Variants in ADCY8 observed in about 807,000 individuals in gnomAD.
ADCY8 encodes the protein adenylate cyclase type 8.
Under a neutral mutation model 119.7 loss-of-function variants are expected in ADCY8, and 51 were observed. The observed-to-expected ratio is 0.43, with a 90% CI of 0.34 to 0.54. The LOEUF (loss-of-function observed/expected upper bound fraction) is 0.54. Among genes scored for constraint, ADCY8 ranks in the 20% least tolerant of loss-of-function variants. The pLI is 0.03. For synonymous variants in ADCY8, 665 were observed against 651.0 expected, an observed-to-expected ratio of 1.02 and a Z score of -0.33; for missense variants, 1,383 against 1,598.8, an observed-to-expected ratio of 0.87 and a Z score of 2.30.
rs775874669 is a variant in ADCY8 at position 130,884,592 on chromosome 8, A to C, written c.2081T>G (p.Met694Arg). The C allele has an allele frequency of 1.9e-6, 3 of 1,613,816 alleles. No homozygotes were observed. The highest frequency in any genetic ancestry group is 2.5e-6 in the Non-Finnish European group (3 of 1,179,806). ...GTGCTCCAGGCTGGAGTCTTTAAAC[A>C]TCAGTGAGAATGGCTTGATATGCTC... The part of the protein sequence containing the change: ...RREHIKPFSL[M>R]FKDSSLEHKY... Residue 694 changes from methionine to arginine, a missense_variant, in exon 8 of 18, where the codon ATG becomes AGG. By Grantham distance (91) the Met-to-Arg change is moderately conservative. Around this residue, in one of 2 missense-constraint regions of ADCY8, gnomAD observed 928 missense variants for 1,163.5 expected, o/e 0.80. Transcript: ENST00000286355.
intron 7 of ADCY8, among the ~76,000 whole-genome samples, chr8:130,890,150 T>C (rs1349329891): frequency 6.8e-6 from 1 of 146,250 alleles, no homozygotes; most frequent in Non-Finnish European, 1.5e-5. Flanking sequence ...ATAAGAAGAT[T>C]GTCGAACACA....
At chr8:130,903,291 G>T in intron 7 of ADCY8, among the ~76,000 whole-genome samples, 1 of 151,926 alleles carries the variant, frequency 6.6e-6, no homozygotes, top group East Asian at 1.9e-4. Context: ...CTAACTCTAG[G>T]CATCACTTGG....
chr8:130,898,914 T>G (rs911557439), intron 7 of ADCY8, among the ~76,000 whole-genome samples: 11 of 152,232 alleles, frequency 7.2e-5, no homozygotes, highest in African/African-American at 2.7e-4. Context: ...CTTAAAAATC[T>G]AATTGAGATC....
At chr8:130,942,885 A>C (rs1820997443) in intron 4 of ADCY8, among the ~76,000 whole-genome samples, 1 of 152,220 alleles carries the variant, frequency 6.6e-6, no homozygotes, top group Non-Finnish European at 1.5e-5. Flanking sequence ...TTGGCTAAAA[A>C]CAAAGCTCTT....
intron 2 of ADCY8, among the ~76,000 whole-genome samples, chr8:130,964,171 A>T (rs555852934): frequency 6.6e-6 from 1 of 152,172 alleles, no homozygotes; most frequent in Non-Finnish European, 1.5e-5. Flanking sequence ...GTACCACCTT[A>T]GTGTGGTAGA....
intron 2 of ADCY8, among the ~76,000 whole-genome samples, chr8:130,969,614 T>A (rs547911219): frequency 6.6e-6 from 1 of 152,206 alleles, no homozygotes; most frequent in African/African-American, 2.4e-5. Context: ...GCCACAATGA[T>A]TTGCCAAAAA....
At chr8:130,893,362 A>T (rs1819258036) in intron 7 of ADCY8, among the ~76,000 whole-genome samples, 1 of 152,126 alleles carries the variant, frequency 6.6e-6, no homozygotes, top group Admixed American at 6.6e-5. Flanking sequence ...TTCACATGGG[A>T]CTCACAAGTA....
intron 5 of ADCY8, among the ~76,000 whole-genome samples, chr8:130,930,712 T>C (rs1586581533): frequency 1.3e-5 from 2 of 152,184 alleles, no homozygotes; most frequent in African/African-American, 4.8e-5. Context: ...TCCACTTCTC[T>C]CCAGCATTTT....
At chr8:130,951,842 C>A in intron 3 of ADCY8, 26 bp downstream of exon 3, 2 of 1,612,612 alleles carry the variant, frequency 1.2e-6, no homozygotes, top group East Asian at 2.2e-5. Context: ...ATGCAAGAGC[C>A]GGGGCAAGGG....
chr8:130,896,976 A>C (rs1819412937), intron 7 of ADCY8, among the ~76,000 whole-genome samples: 1 of 152,078 alleles, frequency 6.6e-6, no homozygotes, highest in Non-Finnish European at 1.5e-5. Context: ...CATCCAGTCC[A>C]GTTTTGCTAT....
intron 9 of ADCY8, among the ~76,000 whole-genome samples, chr8:130,863,550 T>C (rs1165965732): frequency 2.0e-5 from 3 of 152,168 alleles, no homozygotes; most frequent in Non-Finnish European, 4.4e-5. Context: ...GTTCACCTTG[T>C]TTAACATTCT....
chr8:130,909,940 CTTT>C (rs71304398), intron 5 of ADCY8, 74 bp from the exon 6 acceptor site: 1,040 of 1,061,892 alleles, frequency 9.8e-4, no homozygotes, highest in South Asian at 1.6e-3. Context: ...ACTTTCTTTT[CTTT>C]TTTTTTTTTT....
Position 130,837,251 on chromosome 8 carries a change from A to T in ADCY8, c.2503-802T>A, listed in dbSNP as rs573180216. Among the ~76,000 whole-genome samples the T allele has an allele frequency of 1.2e-4, 19 of 152,150 alleles. No homozygotes were observed. The South Asian group carries it at 1.9e-3, about 15-fold the overall frequency. Reference sequence around the variant, plus strand: ...TGAAGTTCTTTCATGGCTCTCCACTATCTCAAATTATATTCTCCTTTCTGA... The same window carrying T: ...TGAAGTTCTTTCATGGCTCTCCACTTTCTCAAATTATATTCTCCTTTCTGA... On this transcript the variant is annotated intron_variant, in intron 11 of 17. Coordinates refer to ENST00000286355, the MANE Select transcript of ADCY8 (RefSeq NM_001115.3).
At chr8:130,975,440 G>T (rs1446986387) in intron 2 of ADCY8, among the ~76,000 whole-genome samples, 1 of 152,142 alleles carries the variant, frequency 6.6e-6, no homozygotes, top group Non-Finnish European at 1.5e-5. Context: ...CACAGTCTGT[G>T]GGGAATGCAG....
intron 3 of ADCY8, among the ~76,000 whole-genome samples, chr8:130,950,115 T>C (rs1235172495): frequency 6.6e-6 from 1 of 152,136 alleles, no homozygotes. Context: ...CTGCTGACAT[T>C]AGGAGGAAAG....
rs752997636 is a variant in ADCY8 at position 130,903,837 on chromosome 8, C to T, written c.1846G>A (p.Ala616Thr). 1.2e-6 allele frequency: 2 copies of T among 1,613,698 alleles called. No homozygotes were observed. The highest frequency in any genetic ancestry group is 2.7e-5 in the African/African-American group (2 of 74,880). The change falls in exon 7 of 18, where the codon GCC (alanine) becomes ACC (threonine). Residue 616 changes from alanine (A) to threonine (T), a missense_variant. By Grantham distance (58) the Ala-to-Thr change is moderately conservative. This residue lies in a region of ADCY8 where 928 missense variants were observed against 1,163.5 expected (regional missense o/e 0.80). Coordinates refer to ENST00000286355, the MANE Select transcript of ADCY8 (RefSeq NM_001115.3). ...CTCCAGGATCCTTCAGTGAATGTGG[C>T]CCCACTGTTTCTCCGGTCTGAGGAG... ...VSSSDRRNSGATFTEGSWSPE... is the reference protein window; with the variant it reads ...VSSSDRRNSGTTFTEGSWSPE...
chr8:130,982,519 T>C (rs754882339), intron 2 of ADCY8, among the ~76,000 whole-genome samples: 6 of 152,162 alleles, frequency 3.9e-5, no homozygotes, highest in Admixed American at 2.6e-4. Context: ...AACACTCCTG[T>C]GGGTTAGGGA....
At position 130,920,766 on chromosome 8, in the gene ADCY8, T is replaced by C. The variant is rs115369770; in HGVS notation, c.1482-10900A>G. On this transcript the variant is annotated intron_variant, in intron 5 of 17. Transcript: ENST00000286355. ...TAGGTGAGATGAACATTTAAATCAG[T>C]AGACTGAGTAAATCAGATTACCCTC... Among the ~76,000 whole-genome samples the C allele has an allele frequency of 3.7e-3, 569 of 152,336 alleles. 6 individuals carry two copies. Among genetic ancestry groups the C allele is most frequent in the African/African-American group, 0.012 (514 of 41,568 alleles).
intron 8 of ADCY8, among the ~76,000 whole-genome samples, chr8:130,871,078 G>A: frequency 6.6e-6 from 1 of 152,198 alleles, no homozygotes; most frequent in East Asian, 1.9e-4. Flanking sequence ...AGAATGTGGT[G>A]CATTGTTACT....
Sources: gnomAD v4.1 joint callset for allele counts (sites outside exome capture counted in the v4.1 genomes callset) on GRCh38, gnomAD v4.1.1 for gene constraint, gnomAD v4.1.1 regional missense constraint, MANE v1.5 for transcripts, NCBI Gene and HGNC (gene_info 2026-07-23, HGNC 2026-07-21) for gene names.